TTC28: variants seen among roughly 807,000 people sequenced by gnomAD.
TTC28 encodes the protein tetratricopeptide repeat domain 28.
Under a neutral mutation model 198.0 loss-of-function variants are expected in TTC28, and 61 were observed. The observed-to-expected ratio is 0.31, with a 90% confidence interval of 0.25 to 0.38. The LOEUF is 0.38. Among genes scored for constraint, TTC28 ranks in the 10% least tolerant of loss-of-function variants. The pLI is 1.00. For missense variants in TTC28, 2,678 were observed against 3,164.0 expected (o/e 0.85, Z 3.69); for synonymous variants, 1,171 against 1,297.8 (o/e 0.90, Z 2.10).
chr22:28,090,335 T>A (rs551828287), intron 12 of TTC28, among the ~76,000 whole-genome samples: 99 of 152,036 alleles, frequency 6.5e-4, no homozygotes, highest in African/African-American at 2.3e-3. Flanking sequence ...CTATATCCTA[T>A]TTTTTTCACT....
At chr22:28,016,378 G>A (rs902961317) in intron 13 of TTC28, among the ~76,000 whole-genome samples, 1 of 152,210 alleles carries the variant, frequency 6.6e-6, no homozygotes, top group Non-Finnish European at 1.5e-5. Flanking sequence ...GGCATGACGC[G>A]CGGTGTCTGT....
chr22:28,220,425 T>C (rs370031277), intron 5 of TTC28, among the ~76,000 whole-genome samples: 1 of 152,238 alleles, frequency 6.6e-6, no homozygotes, highest in Admixed American at 6.5e-5. Context: ...CTGGTTCTCA[T>C]GTGGAGGCTT....
intron 12 of TTC28, among the ~76,000 whole-genome samples, chr22:28,077,894 A>C (rs1455615222): frequency 6.6e-6 from 1 of 152,200 alleles, no homozygotes; most frequent in Non-Finnish European, 1.5e-5. Flanking sequence ...TACTGAACAA[A>C]GCCCTACCCA....
chr22:28,097,842 T>C (rs1942021760), intron 10 of TTC28, among the ~76,000 whole-genome samples: 1 of 152,214 alleles, frequency 6.6e-6, no homozygotes, highest in Non-Finnish European at 1.5e-5. Context: ...GCAGGAACAA[T>C]TTCTGTGCAC....
chr22:28,163,543 G>A lies in TTC28; in HGVS notation c.990C>T (p.Tyr330=), dbSNP rs1921492092. The part of the protein sequence containing the change: ...LGHVYTAIGD[Y]PNALASHKQC... ...GTTTGTGACTGGCCAGTGCATTGGG[G>A]TAGTCTCCAATGGCTGTGTACACGT... The change falls in exon 6 of 23, where the codon TAC becomes TAT. Residue 330 remains tyrosine, a synonymous_variant. Coordinates refer to ENST00000397906, the MANE Select transcript of TTC28 (RefSeq NM_001145418.2). 7 of 1,551,568 alleles carry A rather than the reference G, an allele frequency of 4.5e-6. No homozygotes were observed. Among genetic ancestry groups the A allele is most frequent in the South Asian group, 3.6e-5 (3 of 84,036 alleles).
intron 1 of TTC28, among the ~76,000 whole-genome samples, chr22:28,679,402 C>G (rs1361182150): frequency 1.3e-5 from 2 of 152,164 alleles, no homozygotes; most frequent in Admixed American, 6.5e-5. Context: ...CATACACACC[C>G]TCACACACCC....
intron 1 of TTC28, among the ~76,000 whole-genome samples, chr22:28,639,520 C>T (rs2051328683): frequency 6.6e-6 from 1 of 152,122 alleles, no homozygotes; most frequent in African/African-American, 2.4e-5. Flanking sequence ...CTTGAATTCC[C>T]ATGTGTTGTG....
Position 28,298,599 on chromosome 22 carries a change from C to T in TTC28, c.530-747G>A, listed in dbSNP as rs549920598. Among the ~76,000 whole-genome samples the T allele has an allele frequency of 2.6e-5, 4 of 152,080 alleles. No homozygotes were observed. The South Asian group carries it at 8.3e-4, about 32-fold the overall frequency. ...AAGTAGCTAGGACCACAGGCACACA[C>T]CATCGTCTGTGGCTAATTTTCAAAA... On this transcript the variant is annotated intron_variant, in intron 3 of 22. Coordinates refer to ENST00000397906, the MANE Select transcript of TTC28 (RefSeq NM_001145418.2).
intron 5 of TTC28, among the ~76,000 whole-genome samples, chr22:28,242,390 CT>C (rs1278300301): frequency 6.6e-6 from 1 of 152,124 alleles, no homozygotes; most frequent in Non-Finnish European, 1.5e-5. Flanking sequence ...ACAGTGAATA[CT>C]TTCAAAAGAC....
chr22:28,429,655 T>A (rs1263744904), intron 2 of TTC28, among the ~76,000 whole-genome samples: 1 of 152,210 alleles, frequency 6.6e-6, no homozygotes, highest in Non-Finnish European at 1.5e-5. Context: ...AATTGTATTA[T>A]ACTGTAAACC....
intron 2 of TTC28, among the ~76,000 whole-genome samples, chr22:28,347,731 G>A (rs983338786): frequency 4.6e-5 from 7 of 152,190 alleles, no homozygotes; most frequent in African/African-American, 1.7e-4. Context: ...AATTAGCCAG[G>A]TGTGGTGGCA....
intron 5 of TTC28, among the ~76,000 whole-genome samples, chr22:28,225,258 G>A (rs1323802163): frequency 1.3e-5 from 2 of 151,958 alleles, no homozygotes; most frequent in Non-Finnish European, 2.9e-5. Flanking sequence ...GGGAGGCTGA[G>A]GCAGAAGAAT....
In TTC28 at chr22:28,202,826, A is replaced by C. The variant is rs939219740; in HGVS notation, c.934-39227T>G. Among the ~76,000 whole-genome samples the C allele has an allele frequency of 5.4e-4, 82 of 152,174 alleles. 1 individual carries two copies. Among genetic ancestry groups the C allele is most frequent in the Non-Finnish European group, 1.0e-3 (70 of 68,030 alleles). On this transcript the variant is annotated intron_variant, in intron 5 of 22. Transcript: ENST00000397906. ...CAGAGAAAGTATAAAAAATAACATA[A>C]AATACCCATAACCCAGCTTTAACAA... is the stretch of plus-strand genomic sequence containing the variant.
At chr22:28,172,046 C>A (rs1922733328) in intron 5 of TTC28, among the ~76,000 whole-genome samples, 1 of 152,112 alleles carries the variant, frequency 6.6e-6, no homozygotes, top group Admixed American at 6.5e-5. Context: ...GTAGTTGGCC[C>A]TCCCCACCTT....
chr22:28,016,075 C>T (rs1009702524), intron 13 of TTC28, among the ~76,000 whole-genome samples: 1 of 152,148 alleles, frequency 6.6e-6, no homozygotes, highest in Admixed American at 6.5e-5. Context: ...TCATGCCAAG[C>T]CAAGCTCTCA....
intron 2 of TTC28, among the ~76,000 whole-genome samples, chr22:28,543,937 G>C (rs2049477557): frequency 6.6e-6 from 1 of 152,134 alleles, no homozygotes; most frequent in African/African-American, 2.4e-5. Flanking sequence ...AACAAACCTT[G>C]TGGCTGGGTG....
chr22:28,264,602 T>C (rs1224268818), intron 5 of TTC28, among the ~76,000 whole-genome samples: 1 of 152,180 alleles, frequency 6.6e-6, no homozygotes, highest in Non-Finnish European at 1.5e-5. Flanking sequence ...TATAAATATA[T>C]GCACATGTAT....
intron 2 of TTC28, among the ~76,000 whole-genome samples, chr22:28,458,347 C>T (rs1892277508): frequency 6.6e-6 from 1 of 152,134 alleles, no homozygotes; most frequent in African/African-American, 2.4e-5. Context: ...GTATATTTTA[C>T]CTTGAAGGTA....
At chr22:28,393,153 G>A (rs1006577298) in intron 2 of TTC28, among the ~76,000 whole-genome samples, 17 of 152,006 alleles carry the variant, frequency 1.1e-4, no homozygotes, top group South Asian at 2.1e-4. Context: ...AAAATGCTGG[G>A]AATACCCAGA....
Sources: allele counts gnomAD v4.1 joint callset (sites outside exome capture counted in the v4.1 genomes callset), GRCh38; gene constraint gnomAD v4.1.1; transcripts MANE v1.5; gene names NCBI Gene and HGNC (gene_info 2026-07-23, HGNC 2026-07-21).